CCT4: variants seen among roughly 807,000 people sequenced by gnomAD.
CCT4 encodes T-complex protein 1 subunit delta.
CCT4 carries 17 observed loss-of-function variants against 62.5 expected under a neutral mutation model. The ratio of observed to expected loss-of-function variants is 0.27; its 90% CI spans 0.19 to 0.41. CCT4 has a LOEUF of 0.41. CCT4 is among the 10% of genes least tolerant of loss of function. The pLI is 1.00. For synonymous variants in CCT4, 250 were observed against 229.9 expected, an observed-to-expected ratio of 1.09 and a Z score of -0.79; for missense variants, 592 against 659.2, an observed-to-expected ratio of 0.90 and a Z score of 1.12.
At chr2:61,877,578 G>C in intron 5 of CCT4, 64 bp from the exon 6 acceptor site, 1 of 1,247,444 alleles carries the variant, frequency 8.0e-7, no homozygotes, top group Non-Finnish European at 1.1e-6. Flanking sequence ...ATTTTTCAAT[G>C]ACAAAGATAC....
chr2:61,874,870 C>T (rs550359735), intron 8 of CCT4, among the ~76,000 whole-genome samples: 16 of 152,202 alleles, frequency 1.1e-4, no homozygotes, highest in African/African-American at 2.6e-4. Flanking sequence ...TAGGGCCGGG[C>T]GTGGTGGCTC....
At chr2:61,888,188 G>A (rs1471068530) in intron 1 of CCT4, 193 bp downstream of exon 1, 1 of 632,586 alleles carries the variant, frequency 1.6e-6, no homozygotes, top group Non-Finnish European at 2.6e-6. Context: ...CAAGTCCAAA[G>A]GCCTCCATAC....
chr2:61,885,274 GTTC>G (rs1325636212), intron 1 of CCT4, among the ~76,000 whole-genome samples: 2 of 151,960 alleles, frequency 1.3e-5, no homozygotes, highest in African/African-American at 2.4e-5. Flanking sequence ...TGATCATTGT[GTTC>G]TTATTAGGAT....
At chr2:61,877,114 A>G (rs1669017878) in intron 6 of CCT4, 62 bp from the exon 7 acceptor site, 2 of 1,408,962 alleles carry the variant, frequency 1.4e-6, no homozygotes, top group Non-Finnish European at 2.0e-6. Flanking sequence ...TACGTTTAAT[A>G]GATGAACAGA....
At chr2:61,873,349 C>T in intron 8 of CCT4, 56 bp from the exon 9 acceptor site, 1 of 844,594 alleles carries the variant, frequency 1.2e-6, no homozygotes. Flanking sequence ...TTTTGCTCTT[C>T]AAATGCCTTT....
intron 13 of CCT4, 33 bp from the exon 14 acceptor site, chr2:61,868,739 G>GT (rs750072250): frequency 2.7e-6 from 4 of 1,500,606 alleles, no homozygotes; most frequent in Middle Eastern, 1.7e-4. Context: ...TTCAAAACCT[G>GT]TAATGACAGA....
chr2:61,874,296 T>C (rs576212753), intron 8 of CCT4, among the ~76,000 whole-genome samples: 1 of 152,168 alleles, frequency 6.6e-6, no homozygotes, highest in African/African-American at 2.4e-5. Flanking sequence ...TTCTGGCACA[T>C]TAATGGAGTA....
chr2:61,887,851 A>C, intron 1 of CCT4: 1 of 152,442 alleles, frequency 6.6e-6, no homozygotes. Flanking sequence ...TTCCGCAACT[A>C]TTTCAAACAC....
chr2:61,888,270 CAA>C (rs1337470287), intron 1 of CCT4, 109 bp downstream of exon 1: 1 of 1,325,358 alleles, frequency 7.5e-7, no homozygotes. Context: ...ATAGGGAGGA[CAA>C]GAGAGGATCA....
chr2:61,870,571 C>A (rs907707247), intron 12 of CCT4, among the ~76,000 whole-genome samples: 14 of 152,156 alleles, frequency 9.2e-5, no homozygotes, highest in Admixed American at 3.9e-4. Context: ...TAACAGGCAT[C>A]CTTACTTCCA....
In CCT4 at chr2:61,872,087, G is replaced by A. The variant is rs1310498794; in HGVS notation, c.1486C>T (p.Arg496Ter). Residue 496 changes from arginine to a stop codon, truncating the protein, a stop_gained, in exon 12 of 14, where the codon CGA (arginine) becomes TGA (stop). Transcript: ENST00000394440. LOFTEE classifies it high-confidence loss of function. ...QGEKTAGINV[R>*]KGGISNILEE... is the part of the protein sequence containing the mutation. Reference sequence around the variant, plus strand: ...ATTAGAGATTAAATGATTACCTTTCGGACATTAATGCCTGCAGTTTTTTCT... The same window carrying A: ...ATTAGAGATTAAATGATTACCTTTCAGACATTAATGCCTGCAGTTTTTTCT... 6.3e-7 allele frequency: 1 copy of A among 1,595,714 alleles called. No homozygotes were observed. Among genetic ancestry groups the A allele is most frequent in the Admixed American group, 1.7e-5 (1 of 59,874 alleles).
chr2:61,878,767 G>C, intron 5 of CCT4, 102 bp downstream of exon 5: 1 of 717,070 alleles, frequency 1.4e-6, no homozygotes, highest in Admixed American at 3.3e-5. Flanking sequence ...CAGTTACCTA[G>C]CCACTCTTGA....
At chr2:61,869,589 C>G (rs1199368563) in intron 12 of CCT4, 36 bp from the exon 13 acceptor site, 1 of 1,171,392 alleles carries the variant, frequency 8.5e-7, no homozygotes, top group East Asian at 2.3e-5. Context: ...CTTTTAGTGT[C>G]TGTGATAATA....
chr2:61,880,460 A>C, intron 3 of CCT4, 66 bp from the exon 4 acceptor site: 2 of 813,874 alleles, frequency 2.5e-6, no homozygotes, highest in Non-Finnish European at 4.2e-6. Flanking sequence ...ACCTAATTCA[A>C]ATAATCGCAC....
intron 3 of CCT4, among the ~76,000 whole-genome samples, chr2:61,882,180 G>T (rs1193816649): frequency 6.6e-6 from 1 of 152,040 alleles, no homozygotes; most frequent in African/African-American, 2.4e-5. Context: ...TGATCCACCC[G>T]CCTCAGCCTC....
chr2:61,876,241 AG>A lies in CCT4; in HGVS notation c.778-8del, dbSNP rs750266788. On this transcript the variant is annotated splice_polypyrimidine_tract_variant and splice_region_variant and intron_variant, in intron 7 of 13. Transcript: ENST00000394440. ...CCACTATTTGATTATCCATCTGTTCAGAAAAAGAACATCATAATTTGCATTG... is the reference window on the plus strand; with the variant it reads ...CCACTATTTGATTATCCATCTGTTCAAAAAAGAACATCATAATTTGCATTG... The A allele has an allele frequency of 1.3e-6, 2 of 1,576,296 alleles. No homozygotes were observed. The highest frequency in any genetic ancestry group is 1.7e-6 in the Non-Finnish European group (2 of 1,162,768).
rs1306169802 is a variant in CCT4 at position 61,884,355 on chromosome 2, G to A, written c.180+665C>T. 2.6e-5 allele frequency among the ~76,000 whole-genome samples: 4 copies of A among 152,226 alleles called. No homozygotes were observed. In the South Asian group the frequency reaches 8.3e-4, roughly 32 times the overall value. ...GTCTCGCTCCATTGCCCAGGCTGGA[G>A]TGCAGCTGCGCGATCTCGGCTCACT... On this transcript the variant is annotated intron_variant, in intron 2 of 13. Transcript: ENST00000394440.
intron 3 of CCT4, among the ~76,000 whole-genome samples, chr2:61,880,856 C>G (rs1008492561): frequency 3.9e-5 from 6 of 152,120 alleles, no homozygotes; most frequent in Non-Finnish European, 8.8e-5. Flanking sequence ...TAGGTGCACA[C>G]TAACACATCT....
Position 61,887,786 on chromosome 2 carries a change from T to A in CCT4, c.127+595A>T, listed in dbSNP as rs182490942. The stretch of plus-strand genomic sequence containing the variant: ...CTTCCACAAAAAAAACAAATAATTG[T>A]TTCTTGATTTGCCTATGTTTCACTG... On this transcript the variant is annotated intron_variant, in intron 1 of 13. Transcript: ENST00000394440. 2.5e-3 allele frequency among the ~76,000 whole-genome samples: 384 copies of A among 152,354 alleles called. 1 individual carries two copies. Among genetic ancestry groups the A allele is most frequent in the Middle Eastern group, 6.8e-3 (2 of 294 alleles).
Sources: allele counts gnomAD v4.1 joint callset (sites outside exome capture counted in the v4.1 genomes callset), GRCh38; gene constraint gnomAD v4.1.1; transcripts MANE v1.5; gene names NCBI Gene and HGNC (gene_info 2026-07-23, HGNC 2026-07-21).